MTMR9: variants seen among roughly 807,000 people sequenced by gnomAD.
The protein encoded by MTMR9 is myotubularin related protein 9.
In MTMR9, 39 loss-of-function variants were observed where a neutral mutation model predicts 69.5. That is an observed-to-expected ratio of 0.56 (90% CI 0.43 to 0.73). The LOEUF (loss-of-function observed/expected upper bound fraction) is 0.73, where lower values mean the gene tolerates loss of function less well. Ranked by LOEUF, MTMR9 falls within the 30% of genes least tolerant of loss-of-function variation. MTMR9 has a pLI of 0.00. For synonymous variants in MTMR9, 354 were observed against 240.8 expected (o/e 1.47, Z -4.35); for missense variants, 900 against 671.2 (o/e 1.34, Z -3.77).
At chr8:11,295,509 T>A (rs1799524132) in intron 2 of MTMR9, among the ~76,000 whole-genome samples, 1 of 152,156 alleles carries the variant, frequency 6.6e-6, no homozygotes, top group Admixed American at 6.5e-5. Context: ...ACTCACGTTA[T>A]ATGAGTAGCT....
intron 1 of MTMR9, chr8:11,294,914 T>C (rs905598079): frequency 2.4e-5 from 5 of 206,146 alleles, no homozygotes; most frequent in African/African-American, 1.2e-4. Context: ...GTTACAGATC[T>C]TTTTCCTATT....
At position 11,324,724 on chromosome 8, in the gene MTMR9, G is replaced by A. The variant is rs1800848707; in HGVS notation, c.*1936G>A. On this transcript the variant is annotated 3_prime_UTR_variant, in exon 10 of 10. Coordinates refer to ENST00000221086, the MANE Select transcript of MTMR9 (RefSeq NM_015458.4). ...TGACTCCCATTAGCCTGGTGTGGTG[G>A]TGTGTGCCTATAGTCCCAGCCACTA... 6.6e-6 allele frequency: 1 copy of A among 152,224 alleles called. No homozygotes were observed. The highest frequency in any genetic ancestry group is 2.4e-5 in the African/African-American group (1 of 41,442). 9.4% of individuals were successfully genotyped at this position (152,224 alleles called of 1,614,324 possible). A position where few individuals can be genotyped will look rare whatever the true frequency, so the allele number is the denominator to read the frequency against.
chr8:11,298,956 C>G (rs1354464856), intron 2 of MTMR9: 2 of 809,606 alleles, frequency 2.5e-6, no homozygotes, highest in Admixed American at 1.2e-4. Context: ...TATGATGATA[C>G]ATGACCAAAT....
At chr8:11,339,191 C>T in the MTMR9 span, among the ~76,000 whole-genome samples, 1 of 152,212 alleles carries the variant, frequency 6.6e-6, no homozygotes, top group Non-Finnish European at 1.5e-5. Flanking sequence ...TGATAGTGAT[C>T]TATTATAATC....
intron 2 of MTMR9, among the ~76,000 whole-genome samples, chr8:11,299,173 C>CA (rs905438143): frequency 3.9e-5 from 6 of 151,978 alleles, no homozygotes; most frequent in Admixed American, 2.0e-4. Context: ...ACTAAAAATA[C>CA]AAAAAAATTA....
chr8:11,332,332 T>C (rs1339361388), downstream of MTMR9: 8 of 888,716 alleles, frequency 9.0e-6, no homozygotes. Flanking sequence ...ATCTGGCTTA[T>C]TTACAGGAAT....
intron 2 of MTMR9, among the ~76,000 whole-genome samples, chr8:11,295,708 T>C (rs1220809273): frequency 6.6e-6 from 1 of 152,276 alleles, no homozygotes; most frequent in Non-Finnish European, 1.5e-5. Context: ...TTATGTTCAC[T>C]ATACAAAGCT....
At chr8:11,332,577 C>A (rs192110109), downstream of MTMR9, among the ~76,000 whole-genome samples, 16 of 150,226 alleles carry the variant, frequency 1.1e-4, no homozygotes, top group Non-Finnish European at 2.4e-4. Context: ...TAGAAGGGTT[C>A]GATAGAGTTT....
At chr8:11,317,784 T>A (rs1800492316) in intron 8 of MTMR9, 4 of 152,224 alleles carry the variant, frequency 2.6e-5, no homozygotes, top group Admixed American at 2.6e-4. Context: ...ATCAGAATGA[T>A]CTTTCAGGGA....
rs537108729 is a variant in MTMR9, at chr8:11,314,293, C to A, written c.972-630C>A. 2.0e-5 allele frequency among the ~76,000 whole-genome samples: 3 copies of A among 152,266 alleles called. No homozygotes were observed. In the East Asian group the frequency reaches 5.8e-4, roughly 29 times the overall value. The stretch of plus-strand genomic sequence containing the variant: ...TAGTTTTGGTGTTTTCTTTCATTCT[C>A]TTTAGAATAATGGGGTCCCAGACAC... On this transcript the variant is annotated intron_variant, in intron 6 of 9. Coordinates refer to ENST00000221086, the MANE Select transcript of MTMR9 (RefSeq NM_015458.4).
chr8:11,316,303 T>TCTC (rs1344683065), intron 7 of MTMR9: 1 of 162,342 alleles, frequency 6.2e-6, no homozygotes, highest in Non-Finnish European at 1.3e-5. Flanking sequence ...TGATGATTCT[T>TCTC]CTTTGTACTG....
chr8:11,313,556 A>G (rs913767130), intron 6 of MTMR9, among the ~76,000 whole-genome samples: 4 of 152,212 alleles, frequency 2.6e-5, no homozygotes, highest in African/African-American at 4.8e-5. Flanking sequence ...AAAATGAGAC[A>G]TGCTACTCTT....
In MTMR9 at chr8:11,284,931, G is replaced by A. The variant is rs1254895580; in HGVS notation, c.43G>A (p.Val15Met). Residue 15 changes from valine to methionine, a missense_variant, in exon 1 of 10, where the codon GTG (valine) becomes ATG (methionine). Physicochemically the swap from Val to Met is conservative, Grantham distance 21. Transcript: ENST00000221086. ...ELIKTPRVDN[V>M]VLHRPFYPAV... ...GATTAAGACCCCGCGGGTGGACAAT[G>A]TGGTGCTGCACCGGCCTTTCTACCC... 6.2e-7 allele frequency: 1 copy of A among 1,613,062 alleles called. No homozygotes were observed. The highest frequency in any genetic ancestry group is 1.3e-5 in the African/African-American group (1 of 74,874).
intron 1 of MTMR9, among the ~76,000 whole-genome samples, chr8:11,293,841 G>T (rs1352067535): frequency 6.7e-6 from 1 of 149,980 alleles, no homozygotes; most frequent in Non-Finnish European, 1.5e-5. Flanking sequence ...AATTGTCTTC[G>T]TATCTCTGTT....
At position 11,296,806 on chromosome 8, in the gene MTMR9, T is replaced by C. The variant is rs545887298; in HGVS notation, c.291+1504T>C. Among the ~76,000 whole-genome samples, 50 of 152,312 alleles carry C rather than the reference T, an allele frequency of 3.3e-4. No homozygotes were observed. The South Asian group carries it at 0.01, about 32-fold the overall frequency. The stretch of plus-strand genomic sequence containing the variant: ...TTCTAAAGCAAGTAACTGTCACCAG[T>C]GATTATAGTTTTTTGTTTGTTTTTA... On this transcript the variant is annotated intron_variant, in intron 2 of 9. Coordinates refer to ENST00000221086, the MANE Select transcript of MTMR9 (RefSeq NM_015458.4).
Position 11,325,170 on chromosome 8 carries a change from A to G in MTMR9, c.*2382A>G, listed in dbSNP as rs1157213486. The G allele has an allele frequency of 6.6e-6, 1 of 152,264 alleles. No homozygotes were observed. Among genetic ancestry groups the G allele is most frequent in the Non-Finnish European group, 1.5e-5 (1 of 68,056 alleles). 9.4% of individuals were successfully genotyped at this position (152,264 alleles called of 1,614,324 possible). A position where few individuals can be genotyped will look rare whatever the true frequency, so the allele number is the denominator to read the frequency against. On this transcript the variant is annotated 3_prime_UTR_variant, in exon 10 of 10. Transcript: ENST00000221086. ...AGATCTGTTTACAGGTTGTAAAAAT[A>G]AACTTCGGTATCAGTGCATCTACAG...
chr8:11,334,155 C>G, the MTMR9 span, among the ~76,000 whole-genome samples: 2 of 152,162 alleles, frequency 1.3e-5, no homozygotes, highest in African/African-American at 2.4e-5. Flanking sequence ...GCCAGATAAA[C>G]TTGTATATAA....
At chr8:11,286,906 C>G (rs1448070873) in intron 1 of MTMR9, among the ~76,000 whole-genome samples, 1 of 152,112 alleles carries the variant, frequency 6.6e-6, no homozygotes, top group Non-Finnish European at 1.5e-5. Flanking sequence ...ATTTTATTGA[C>G]TTCTTCCTTC....
the MTMR9 span, among the ~76,000 whole-genome samples, chr8:11,337,224 G>A: frequency 4.2e-3 from 636 of 152,306 alleles, 7 homozygotes; most frequent in South Asian, 0.036. Context: ...AGAACCAGCA[G>A]ACTGTTGGGT....
Sources: gnomAD v4.1 joint callset for allele counts (sites outside exome capture counted in the v4.1 genomes callset) on GRCh38, gnomAD v4.1.1 for gene constraint, MANE v1.5 for transcripts, NCBI Gene and HGNC (gene_info 2026-07-23, HGNC 2026-07-21) for gene names.